PCMTD1: variants seen among roughly 807,000 people sequenced by gnomAD.
The protein encoded by PCMTD1 is protein-L-isoaspartate (D-aspartate) O-methyltransferase domain containing 1.
In PCMTD1, 12 loss-of-function variants were observed where a neutral mutation model predicts 37.6. The ratio of observed to expected loss-of-function variants is 0.32; its 90% CI spans 0.20 to 0.52. The LOEUF is 0.52. Among genes scored for constraint, PCMTD1 ranks in the 20% least tolerant of loss-of-function variants. The pLI, the probability that PCMTD1 is intolerant of heterozygous loss-of-function variation, is 0.97. For missense variants in PCMTD1, 235 were observed against 421.3 expected (o/e 0.56, Z 3.87); for synonymous variants, 117 against 135.8 (o/e 0.86, Z 0.96).
At chr8:51,859,804 C>T (rs2038444984) in intron 2 of PCMTD1, among the ~76,000 whole-genome samples, 1 of 152,134 alleles carries the variant, frequency 6.6e-6, no homozygotes, top group Admixed American at 6.5e-5. Flanking sequence ...TTCAATGATT[C>T]CCCATCACTT....
Position 51,853,861 on chromosome 8 carries a change from C to CCA in PCMTD1, c.307+6982_307+6983dup, listed in dbSNP as rs1266777020. ...AAGGCAGAGAGAACTTCACTTTATC[C>CCA]CACCTTAGCTAGGAAGATGCAAAGC... On this transcript the variant is annotated intron_variant, in intron 2 of 5. Coordinates refer to ENST00000522514, the MANE Select transcript of PCMTD1 (RefSeq NM_052937.4). Among the ~76,000 whole-genome samples, 4 of 151,722 alleles carry CCA rather than the reference C, an allele frequency of 2.6e-5. No individual in the cohort carries two copies. The East Asian group carries it at 5.9e-4, about 22-fold the overall frequency.
intron 5 of PCMTD1, among the ~76,000 whole-genome samples, chr8:51,830,897 A>G (rs1011757979): frequency 3.3e-5 from 5 of 152,036 alleles, no homozygotes; most frequent in African/African-American, 9.7e-5. Flanking sequence ...ATCACAAACT[A>G]TAATTAATAA....
intron 3 of PCMTD1, 160 bp from the exon 4 acceptor site, chr8:51,833,849 A>G: frequency 2.0e-6 from 1 of 496,930 alleles, no homozygotes; most frequent in Non-Finnish European, 3.4e-6. Context: ...TAAGTTTAGC[A>G]CTCATCAAAT....
intron 1 of PCMTD1, among the ~76,000 whole-genome samples, chr8:51,886,036 G>C (rs1403670107): frequency 1.3e-5 from 2 of 152,208 alleles, no homozygotes; most frequent in Non-Finnish European, 2.9e-5. Context: ...ACTATGTACA[G>C]TTTCTTAAAG....
chr8:51,840,320 A>C (rs577759917), intron 3 of PCMTD1, among the ~76,000 whole-genome samples: 2 of 150,930 alleles, frequency 1.3e-5, no homozygotes, highest in South Asian at 4.1e-4. Context: ...TGAAGCCATG[A>C]AATTTTTCCC....
intron 1 of PCMTD1, among the ~76,000 whole-genome samples, chr8:51,874,268 C>A (rs1266882888): frequency 6.6e-6 from 1 of 152,206 alleles, no homozygotes; most frequent in Admixed American, 6.5e-5. Flanking sequence ...ACCATCCAAA[C>A]TGAGTAACCA....
At chr8:51,820,974 T>C (rs1328050784) in intron 5 of PCMTD1, among the ~76,000 whole-genome samples, 1 of 152,170 alleles carries the variant, frequency 6.6e-6, no homozygotes. Context: ...ATAAAAGTTC[T>C]CTGGAAGCAT....
At chr8:51,882,818 T>A (rs1253797797) in intron 1 of PCMTD1, among the ~76,000 whole-genome samples, 4 of 137,564 alleles carry the variant, frequency 2.9e-5, no homozygotes, top group African/African-American at 5.4e-5. Flanking sequence ...ATAGCATACT[T>A]AAAAAAAAAA....
intron 1 of PCMTD1, among the ~76,000 whole-genome samples, chr8:51,892,450 C>T (rs538066445): frequency 6.6e-6 from 1 of 152,334 alleles, no homozygotes; most frequent in South Asian, 2.1e-4. Flanking sequence ...CACATAACCC[C>T]ACAGTTCTCT....
chr8:51,899,141 T>C (rs1398047720), upstream of PCMTD1: 1 of 1,360,008 alleles, frequency 7.4e-7, no homozygotes, highest in Non-Finnish European at 9.5e-7. Flanking sequence ...CAGGGGCAGC[T>C]CCCCGCGGAC....
intron 5 of PCMTD1, among the ~76,000 whole-genome samples, chr8:51,823,850 A>G (rs1563334141): frequency 6.6e-6 from 1 of 152,176 alleles, no homozygotes; most frequent in East Asian, 1.9e-4. Context: ...ATCCACCACA[A>G]TCAAGTCTGC....
intron 3 of PCMTD1, among the ~76,000 whole-genome samples, chr8:51,837,989 G>A (rs1346765186): frequency 6.6e-6 from 1 of 152,000 alleles, no homozygotes; most frequent in Non-Finnish European, 1.5e-5. Context: ...TAGTAGAGAT[G>A]TTGCCCAGGC....
At chr8:51,864,430 C>G (rs1441956546) in intron 1 of PCMTD1, among the ~76,000 whole-genome samples, 1 of 152,138 alleles carries the variant, frequency 6.6e-6, no homozygotes, top group African/African-American at 2.4e-5. Flanking sequence ...TATCCAACAG[C>G]AACTGAAATG....
At chr8:51,872,911 C>T (rs1348368143) in intron 1 of PCMTD1, among the ~76,000 whole-genome samples, 1 of 152,120 alleles carries the variant, frequency 6.6e-6, no homozygotes. Flanking sequence ...GTTTTTTCAC[C>T]TGCAAAATAA....
At chr8:51,827,330 C>T (rs2037935219) in intron 5 of PCMTD1, 2 of 1,181,558 alleles carry the variant, frequency 1.7e-6, no homozygotes, top group East Asian at 5.7e-5. Context: ...TTTCACTTTC[C>T]ACGGTTTCCG....
At chr8:51,879,016 C>T (rs11786818) in intron 1 of PCMTD1, among the ~76,000 whole-genome samples, 77,049 of 151,836 alleles carry the variant, frequency 0.51, 23,647 homozygotes, top group Non-Finnish European at 0.68. Context: ...ATCCCAGCGA[C>T]TCGGAACTCT....
At chr8:51,847,453 CCT>C (rs1212982101) in intron 2 of PCMTD1, among the ~76,000 whole-genome samples, 5 of 151,106 alleles carry the variant, frequency 3.3e-5, no homozygotes, top group African/African-American at 1.2e-4. Context: ...ATGGCAAAAC[CCT>C]GTCTCTACTA....
In PCMTD1 at chr8:51,820,183, C is replaced by A. The variant is rs2037822326; in HGVS notation, c.*168G>T. The A allele has an allele frequency of 3.8e-6, 2 of 521,664 alleles. No homozygotes were observed. The highest frequency in any genetic ancestry group is 6.2e-6 in the Non-Finnish European group (2 of 324,614). The allele number at this position is 521,664 out of a possible 1,614,324, so 32.3% of individuals were successfully genotyped here. A position where few individuals can be genotyped will look rare whatever the true frequency, so the allele number is the denominator to read the frequency against. On this transcript the variant is annotated 3_prime_UTR_variant, in exon 6 of 6. Coordinates refer to ENST00000522514, the MANE Select transcript of PCMTD1 (RefSeq NM_052937.4). The stretch of plus-strand genomic sequence containing the variant: ...AAAAATAGATTTTATAAAAGGGATT[C>A]TTTTATTCACTGAATACATCATTTG...
chr8:51,837,007 T>C (rs2129277547), intron 3 of PCMTD1, among the ~76,000 whole-genome samples: 1 of 152,354 alleles, frequency 6.6e-6, no homozygotes, highest in East Asian at 1.9e-4. Context: ...AACAAACTCT[T>C]ACCTCTAATG....
Sources: allele counts gnomAD v4.1 joint callset (sites outside exome capture counted in the v4.1 genomes callset), GRCh38; gene constraint gnomAD v4.1.1; transcripts MANE v1.5; gene names NCBI Gene and HGNC (gene_info 2026-07-23, HGNC 2026-07-21).